The following CTIF variants were observed in gnomAD, a reference collection of about 807,000 sequenced individuals.
CTIF encodes the protein CBP80/20-dependent translation initiation factor.
CTIF carries 21 observed loss-of-function variants against 66.0 expected under a neutral mutation model. The observed-to-expected ratio is 0.32, with a 90% CI of 0.23 to 0.46. The LOEUF is 0.46. Ranked by LOEUF, CTIF falls within the 20% of genes least tolerant of loss-of-function variation. CTIF has a pLI of 1.00. For missense variants in CTIF, 739 were observed against 812.7 expected, an observed-to-expected ratio of 0.91 and a Z score of 1.10; for synonymous variants, 345 against 326.4, an observed-to-expected ratio of 1.06 and a Z score of -0.62.
chr18:48,833,689 G>A (rs974325656), intron 10 of CTIF, among the ~76,000 whole-genome samples: 3 of 152,126 alleles, frequency 2.0e-5, no homozygotes, highest in Admixed American at 1.3e-4. Flanking sequence ...TTTGGGAGGG[G>A]TAGGGAAGGT....
chr18:48,602,993 G>A (rs567444955), intron 1 of CTIF, among the ~76,000 whole-genome samples: 4 of 150,186 alleles, frequency 2.7e-5, no homozygotes, highest in Non-Finnish European at 5.9e-5. Flanking sequence ...GAATGGATGG[G>A]TGGATGAATG....
chr18:48,552,008 C>T (rs1011761383), intron 1 of CTIF, among the ~76,000 whole-genome samples: 3 of 152,020 alleles, frequency 2.0e-5, no homozygotes, highest in Non-Finnish European at 4.4e-5. Context: ...TTCACTGTGT[C>T]AGCCAGGATG....
intron 6 of CTIF, among the ~76,000 whole-genome samples, chr18:48,692,349 AC>A (rs202030016): frequency 4.0e-5 from 5 of 124,128 alleles, no homozygotes; most frequent in Non-Finnish European, 6.1e-5. Flanking sequence ...AAAAAAAAAA[AC>A]CACCCTTACT....
intron 1 of CTIF, among the ~76,000 whole-genome samples, chr18:48,550,744 T>C (rs2088862253): frequency 6.6e-6 from 1 of 152,184 alleles, no homozygotes; most frequent in Admixed American, 6.5e-5. Context: ...AGCACCTTGC[T>C]ACTGTCCTGG....
chr18:48,789,842 T>C (rs1214648154), intron 9 of CTIF, among the ~76,000 whole-genome samples: 1 of 152,204 alleles, frequency 6.6e-6, no homozygotes, highest in Non-Finnish European at 1.5e-5. Flanking sequence ...GGAAGACTAA[T>C]AAGAGACCCC....
At chr18:48,665,689 T>C (rs547917168) in intron 5 of CTIF, among the ~76,000 whole-genome samples, 1 of 148,832 alleles carries the variant, frequency 6.7e-6, no homozygotes, top group Admixed American at 6.6e-5. Flanking sequence ...TCTGTTTCTA[T>C]TAATTAATCT....
chr18:48,550,225 G>A (rs1299539489), intron 1 of CTIF, among the ~76,000 whole-genome samples: 2 of 152,196 alleles, frequency 1.3e-5, no homozygotes, highest in Non-Finnish European at 2.9e-5. Context: ...ACCCCAGTAG[G>A]CAGAATTGTC....
At chr18:48,567,606 TAACTC>T (rs779455246) in intron 1 of CTIF, 1 of 152,202 alleles carries the variant, frequency 6.6e-6, no homozygotes, top group African/African-American at 2.4e-5. Flanking sequence ...ACTATGGAAA[TAACTC>T]AGTAAGAGCA....
intron 1 of CTIF, among the ~76,000 whole-genome samples, chr18:48,543,531 C>A (rs563979538): frequency 6.6e-6 from 1 of 152,208 alleles, no homozygotes; most frequent in Non-Finnish European, 1.5e-5. Flanking sequence ...TAGCACCGTG[C>A]TCTCAGCATG....
chr18:48,741,844 C>G (rs978332276), intron 7 of CTIF, among the ~76,000 whole-genome samples: 6 of 152,192 alleles, frequency 3.9e-5, no homozygotes, highest in Non-Finnish European at 8.8e-5. Context: ...TTGGGCCACA[C>G]TCAGCACAAG....
intron 1 of CTIF, among the ~76,000 whole-genome samples, chr18:48,582,269 A>C (rs941403093): frequency 1.3e-5 from 2 of 151,942 alleles, no homozygotes; most frequent in Admixed American, 1.3e-4. Flanking sequence ...GAGGCATGAG[A>C]AGCTGGCTTC....
intron 1 of CTIF, among the ~76,000 whole-genome samples, chr18:48,603,369 A>AGATGGATGGATG (rs754747962): frequency 0.019 from 2,309 of 123,430 alleles, 95 homozygotes; most frequent in African/African-American, 0.075. Flanking sequence ...ATAGGTGGGT[A>AGATGGATGGATG]GATGGATGGA....
At chr18:48,609,825 G>A (rs1362043787) in intron 1 of CTIF, among the ~76,000 whole-genome samples, 1 of 152,244 alleles carries the variant, frequency 6.6e-6, no homozygotes, top group Admixed American at 6.5e-5. Context: ...GTTGGGAAGA[G>A]TTGTCTCGAG....
rs141912873 is a variant in CTIF, at chr18:48,613,947, G to C, written c.-28-5591G>C. On this transcript the variant is annotated intron_variant, in intron 1 of 11. Coordinates refer to ENST00000256413, the MANE Select transcript of CTIF (RefSeq NM_014772.3). ...CAACCTCAGCATTTTTCCTACTCCT[G>C]CTGCTTGCCTTTTAGTTCCTCCTCA... 3.9e-5 allele frequency among the ~76,000 whole-genome samples: 6 copies of C among 152,256 alleles called. No individual in the cohort carries two copies. The East Asian group carries it at 1.2e-3, about 29-fold the overall frequency.
rs907545 is a variant in CTIF, at chr18:48,550,179, C to T, written c.-29+10867C>T. Among the ~76,000 whole-genome samples, 98 of 152,310 alleles carry T rather than the reference C, an allele frequency of 6.4e-4. No individual in the cohort carries two copies. In the East Asian group the frequency reaches 8.3e-3, roughly 13 times the overall value. The stretch of plus-strand genomic sequence containing the variant: ...GTTCTGTGGTCTGTTCTCCCAGCAG[C>T]TCCTCCACTTTCCCGACACTGGGGC... On this transcript the variant is annotated intron_variant, in intron 1 of 11. Coordinates refer to ENST00000256413, the MANE Select transcript of CTIF (RefSeq NM_014772.3).
intron 6 of CTIF, among the ~76,000 whole-genome samples, chr18:48,702,036 G>A (rs1297442015): frequency 1.3e-5 from 2 of 152,232 alleles, no homozygotes; most frequent in Non-Finnish European, 2.9e-5. Context: ...GAGGTAGGAA[G>A]AGCAAATATT....
At position 48,684,362 on chromosome 18, in the gene CTIF, C is replaced by T. The variant is rs757941602; in HGVS notation, c.507+13618C>T. ...CCCCTGCGTCCTCAAGTGACCCGTTCCATTCCTCAAAGCAACTACATACCT... is the reference window on the plus strand; with the variant it reads ...CCCCTGCGTCCTCAAGTGACCCGTTTCATTCCTCAAAGCAACTACATACCT... On this transcript the variant is annotated intron_variant, in intron 6 of 11. Transcript: ENST00000256413. Among the ~76,000 whole-genome samples, 104 of 152,278 alleles carry T rather than the reference C, an allele frequency of 6.8e-4. 1 individual carries two copies. The highest frequency in any genetic ancestry group is 9.2e-4 in the Admixed American group (14 of 15,292).
chr18:48,650,803 G>C (rs559478594), intron 3 of CTIF, among the ~76,000 whole-genome samples: 19 of 152,010 alleles, frequency 1.2e-4, no homozygotes, highest in African/African-American at 4.6e-4. Flanking sequence ...AGCCAGAAGA[G>C]AGTGGAGGCC....
intron 7 of CTIF, among the ~76,000 whole-genome samples, chr18:48,738,417 C>T (rs752540450): frequency 4.0e-4 from 61 of 152,230 alleles, no homozygotes; most frequent in Non-Finnish European, 6.8e-4. Flanking sequence ...CCCAGATGAT[C>T]TAGCTCTCAC....
Sources: allele counts gnomAD v4.1 joint callset (sites outside exome capture counted in the v4.1 genomes callset), GRCh38; gene constraint gnomAD v4.1.1; transcripts MANE v1.5; gene names NCBI Gene and HGNC (gene_info 2026-07-23, HGNC 2026-07-21).